The following DPP10 variants were observed in gnomAD, a reference collection of about 807,000 sequenced individuals.
DPP10 encodes the protein dipeptidyl peptidase like 10, also known as inactive dipeptidyl peptidase 10.
A neutral mutation model predicts 120.9 loss-of-function variants in DPP10; 33 were observed. That is an observed-to-expected ratio of 0.27 (90% confidence interval 0.21 to 0.37). The LOEUF is 0.37. Among genes scored for constraint, DPP10 ranks in the 10% least tolerant of loss-of-function variants. The pLI is 1.00. For synonymous variants in DPP10, 337 were observed against 326.1 expected (o/e 1.03, Z -0.36); for missense variants, 816 against 942.8 (o/e 0.87, Z 1.76).
At chr2:115,544,694 G>A (rs75710597) in intron 5 of DPP10, among the ~76,000 whole-genome samples, 1 of 151,992 alleles carries the variant, frequency 6.6e-6, no homozygotes, top group Non-Finnish European at 1.5e-5. Flanking sequence ...TTAGACTGGT[G>A]TCACTCGCTG....
At chr2:114,583,261 T>G (rs1032264618) in intron 1 of DPP10, among the ~76,000 whole-genome samples, 13 of 152,256 alleles carry the variant, frequency 8.5e-5, no homozygotes, top group African/African-American at 3.1e-4. Context: ...AGTCCCTGCC[T>G]TGTATTTTTG....
intron 1 of DPP10, among the ~76,000 whole-genome samples, chr2:114,772,284 A>T (rs1189416185): frequency 6.6e-6 from 1 of 151,854 alleles, no homozygotes; most frequent in Non-Finnish European, 1.5e-5. Flanking sequence ...CAGCCCACCG[A>T]GTAGCTGGGA....
In DPP10 at chr2:115,142,900, C is replaced by G. The variant is rs988083267; in HGVS notation, c.61-166339C>G. Among the ~76,000 whole-genome samples, 9 of 152,174 alleles carry G rather than the reference C, an allele frequency of 5.9e-5. No homozygotes were observed. The East Asian group carries it at 7.7e-4, about 13-fold the overall frequency. On this transcript the variant is annotated intron_variant, in intron 1 of 25. Coordinates refer to ENST00000410059, the MANE Select transcript of DPP10 (RefSeq NM_020868.6). The stretch of plus-strand genomic sequence containing the variant: ...AGGCCTATTACCCTTGCTGCTGCTG[C>G]TGGTGGTGGTGGGGGTGTCCTAGAT...
At chr2:115,408,684 C>T (rs7578012) in intron 3 of DPP10, among the ~76,000 whole-genome samples, 31,171 of 151,868 alleles carry the variant, frequency 0.21, 3,789 homozygotes, top group East Asian at 0.39. Context: ...GGAACATCTT[C>T]AAAATTTGAA....
chr2:115,611,167 A>T (rs2084071271), intron 5 of DPP10, among the ~76,000 whole-genome samples: 1 of 152,204 alleles, frequency 6.6e-6, no homozygotes, highest in African/African-American at 2.4e-5. Flanking sequence ...CCAGATCCTA[A>T]CTTTTCAGTA....
In DPP10 at chr2:114,788,015, C is replaced by G. The variant is rs189857471; in HGVS notation, c.60+345177C>G. 1.4e-4 allele frequency among the ~76,000 whole-genome samples: 22 copies of G among 152,240 alleles called. No homozygotes were observed. The East Asian group carries it at 3.5e-3, about 24-fold the overall frequency. ...ACTGGAAATGACTTTTCTAATAACA[C>G]ATATTATCATGTCATCATCAGAAGA... On this transcript the variant is annotated intron_variant, in intron 1 of 25. Coordinates refer to ENST00000410059, the MANE Select transcript of DPP10 (RefSeq NM_020868.6).
At chr2:115,357,607 A>G (rs1284453239) in intron 3 of DPP10, among the ~76,000 whole-genome samples, 7 of 152,078 alleles carry the variant, frequency 4.6e-5, no homozygotes, top group African/African-American at 1.4e-4. Context: ...CTAACATTCT[A>G]AGGTCTGGAG....
chr2:115,599,005 C>T (rs773355098), intron 5 of DPP10, among the ~76,000 whole-genome samples: 2 of 151,852 alleles, frequency 1.3e-5, no homozygotes, highest in Non-Finnish European at 1.5e-5. Context: ...TTCTTCCCTG[C>T]TCTCTTTTGT....
rs6710380 is a variant in DPP10, at chr2:114,749,735, G to A, written c.60+306897G>A. ...GGATTACAGGCATGAGCCACCACAC[G>A]CAGTCCAAGCACTGCTTTTAAATAT... On this transcript the variant is annotated intron_variant, in intron 1 of 25. Coordinates refer to ENST00000410059, the MANE Select transcript of DPP10 (RefSeq NM_020868.6). Among the ~76,000 whole-genome samples, 5 of 151,640 alleles carry A rather than the reference G, an allele frequency of 3.3e-5. No individual in the cohort carries two copies. In the South Asian group the frequency reaches 8.3e-4, roughly 25 times the overall value.
intron 5 of DPP10, among the ~76,000 whole-genome samples, chr2:115,561,151 C>G (rs957655645): frequency 3.3e-5 from 5 of 151,940 alleles, no homozygotes; most frequent in Non-Finnish European, 7.4e-5. Context: ...GAGTTCGAGA[C>G]CAGCCTGGGC....
At chr2:114,842,849 G>C (rs1474624990) in intron 1 of DPP10, among the ~76,000 whole-genome samples, 1 of 149,826 alleles carries the variant, frequency 6.7e-6, no homozygotes, top group African/African-American at 2.5e-5. Context: ...GACCTCACCG[G>C]AGACAAAAAA....
intron 12 of DPP10, among the ~76,000 whole-genome samples, chr2:115,767,480 TGTGTGTGTGTATATATATATACACATA>T (rs1477877855): frequency 6.9e-6 from 1 of 144,654 alleles, no homozygotes; most frequent in Non-Finnish European, 1.6e-5. Context: ...TATATGTGTG[TGTGTGTGTGTATATATATATACACATA>T]GTGTGTGTGT....
chr2:115,692,551 C>T (rs966794742), intron 7 of DPP10, among the ~76,000 whole-genome samples: 1 of 151,874 alleles, frequency 6.6e-6, no homozygotes, highest in Non-Finnish European at 1.5e-5. Flanking sequence ...AATATATTTA[C>T]CTTATTTACC....
intron 1 of DPP10, among the ~76,000 whole-genome samples, chr2:114,672,819 G>A (rs1412358168): frequency 6.6e-6 from 1 of 152,130 alleles, no homozygotes; most frequent in Non-Finnish European, 1.5e-5. Flanking sequence ...CCCTGTGACA[G>A]ATCTACCAGT....
intron 1 of DPP10, among the ~76,000 whole-genome samples, chr2:114,589,216 G>A (rs1390154585): frequency 6.6e-6 from 1 of 152,074 alleles, no homozygotes; most frequent in Non-Finnish European, 1.5e-5. Flanking sequence ...AAAGGAAAAA[G>A]CCCCTCAAGT....
At chr2:114,475,512 T>C (rs1680300252) in intron 1 of DPP10, among the ~76,000 whole-genome samples, 1 of 152,140 alleles carries the variant, frequency 6.6e-6, no homozygotes, top group South Asian at 2.1e-4. Flanking sequence ...TGTTCTTCTC[T>C]TTTCTCCCAG....
intron 3 of DPP10, among the ~76,000 whole-genome samples, chr2:115,413,007 T>G (rs72959707): frequency 0.016 from 2,485 of 152,266 alleles, 68 homozygotes; most frequent in African/African-American, 0.056. Flanking sequence ...TTCTACCACA[T>G]GTGATTTCCC....
intron 1 of DPP10, among the ~76,000 whole-genome samples, chr2:115,121,948 G>T (rs938322808): frequency 6.6e-6 from 1 of 152,160 alleles, no homozygotes; most frequent in African/African-American, 2.4e-5. Context: ...TTAAGATTTG[G>T]GGGGATCAAA....
intron 24 of DPP10, among the ~76,000 whole-genome samples, chr2:115,839,803 A>T (rs1689903926): frequency 6.6e-6 from 1 of 152,154 alleles, no homozygotes; most frequent in Admixed American, 6.5e-5. Flanking sequence ...TGACTGCACC[A>T]AATCTTCATA....
Sources: allele counts gnomAD v4.1 joint callset (sites outside exome capture counted in the v4.1 genomes callset), GRCh38; gene constraint gnomAD v4.1.1; transcripts MANE v1.5; gene names NCBI Gene and HGNC (gene_info 2026-07-23, HGNC 2026-07-21).